TCF4: variants seen among roughly 807,000 people sequenced by gnomAD.
TCF4 encodes transcription factor 4, also known as SL3-3 enhancer factor 2.
TCF4 carries 3 observed loss-of-function variants against 82.1 expected under a neutral mutation model. That is an observed-to-expected ratio of 0.04 (90% CI 0.02 to 0.09). The LOEUF (loss-of-function observed/expected upper bound fraction) is 0.09, where lower values mean the gene tolerates loss of function less well. Among genes scored for constraint, TCF4 ranks in the 10% least tolerant of loss-of-function variants. TCF4 has a pLI of 1.00. For missense variants in TCF4, 518 were observed against 852.7 expected (o/e 0.61, Z 4.89); for synonymous variants, 276 against 309.6 (o/e 0.89, Z 1.14).
intron 15 of TCF4, 36 bp downstream of exon 15, chr18:55,254,461 A>G: frequency 2.5e-6 from 4 of 1,595,172 alleles, no homozygotes; most frequent in Non-Finnish European, 3.4e-6. Flanking sequence ...CTAACTCTAT[A>G]TGATAACTAT....
chr18:55,241,443 C>CT, intron 15 of TCF4, among the ~76,000 whole-genome samples: 1 of 152,292 alleles, frequency 6.6e-6, no homozygotes, highest in African/African-American at 2.4e-5. Context: ...CCTAGTGAAC[C>CT]AAACATATCT....
intron 3 of TCF4, among the ~76,000 whole-genome samples, chr18:55,531,791 A>G (rs2097066286): frequency 6.6e-6 from 1 of 152,236 alleles, no homozygotes; most frequent in African/African-American, 2.4e-5. Context: ...GGAATTCATA[A>G]GCATTTAAGA....
chr18:55,453,395 T>C (rs1022071297), intron 5 of TCF4, among the ~76,000 whole-genome samples: 6 of 152,218 alleles, frequency 3.9e-5, no homozygotes, highest in Non-Finnish European at 5.9e-5. Flanking sequence ...ACATTTTCCA[T>C]TACTTCGAAG....
intron 8 of TCF4, among the ~76,000 whole-genome samples, chr18:55,339,478 G>A (rs920719068): frequency 1.3e-5 from 2 of 152,102 alleles, no homozygotes; most frequent in African/African-American, 4.8e-5. Flanking sequence ...CGGATCTATC[G>A]GCTTTCCAGA....
chr18:55,502,634 TA>T (rs1190990956), intron 3 of TCF4, among the ~76,000 whole-genome samples: 3 of 152,208 alleles, frequency 2.0e-5, no homozygotes, highest in African/African-American at 7.2e-5. Flanking sequence ...TAGGGGCACA[TA>T]AGTGTAAAAC....
chr18:55,448,310 A>C (rs889218264), intron 5 of TCF4, among the ~76,000 whole-genome samples: 1 of 152,202 alleles, frequency 6.6e-6, no homozygotes, highest in African/African-American at 2.4e-5. Context: ...TGCTCTGATA[A>C]AACTTTAACA....
At chr18:55,592,704 C>T (rs572930171), upstream of TCF4, among the ~76,000 whole-genome samples, 7 of 152,114 alleles carry the variant, frequency 4.6e-5, no homozygotes, top group Non-Finnish European at 7.3e-5. Context: ...AGAGATTGAC[C>T]GTAGCCTATG....
At chr18:55,246,141 G>A (rs1040182444) in intron 15 of TCF4, among the ~76,000 whole-genome samples, 3 of 152,052 alleles carry the variant, frequency 2.0e-5, no homozygotes, top group Non-Finnish European at 4.4e-5. Context: ...GCTATTAAAT[G>A]TGTCTGCCTG....
At chr18:55,364,922 A>G (rs1346545281) in intron 6 of TCF4, among the ~76,000 whole-genome samples, 2 of 151,764 alleles carry the variant, frequency 1.3e-5, no homozygotes, top group African/African-American at 4.8e-5. Flanking sequence ...GCACTTTGGG[A>G]ACTGAGGCAG....
In TCF4 at chr18:55,261,229, C is replaced by T. The variant is rs1473485731; in HGVS notation, c.990+237G>A. The T allele has an allele frequency of 5.3e-6, 3 of 567,578 alleles. No individual in the cohort carries two copies. The South Asian group carries it at 6.1e-5, about 12-fold the overall frequency. The allele number at this position is 567,578 out of a possible 1,614,324, so 35.2% of individuals were successfully genotyped here. A position where few individuals can be genotyped will look rare whatever the true frequency, so the allele number is the denominator to read the frequency against. On this transcript the variant is annotated intron_variant, in intron 12 of 19. Transcript: ENST00000354452. ...TAAACCCAAAGACCAGGAGAATATT[C>T]CCACATCCATAATTGAGTGCAGCTT...
intron 8 of TCF4, among the ~76,000 whole-genome samples, chr18:55,313,981 C>T (rs1369396679): frequency 6.6e-6 from 1 of 152,012 alleles, no homozygotes; most frequent in East Asian, 1.9e-4. Flanking sequence ...AAAACGTTGG[C>T]GATATTTGCA....
chr18:55,263,889 C>A (rs2058560595), intron 11 of TCF4, among the ~76,000 whole-genome samples: 1 of 151,692 alleles, frequency 6.6e-6, no homozygotes, highest in Non-Finnish European at 1.5e-5. Context: ...TAACAAAGAA[C>A]CTAAGCCAAA....
chr18:55,504,129 T>C (rs2096728965), intron 3 of TCF4, among the ~76,000 whole-genome samples: 1 of 152,262 alleles, frequency 6.6e-6, no homozygotes, highest in Admixed American at 6.5e-5. Flanking sequence ...GCTGCTCTCA[T>C]ATGTATTCGT....
chr18:55,542,606 T>A (rs1363109299), intron 3 of TCF4, among the ~76,000 whole-genome samples: 2 of 151,974 alleles, frequency 1.3e-5, no homozygotes, highest in Non-Finnish European at 1.5e-5. Flanking sequence ...TCTTCTGATT[T>A]TATTTGCCCA....
At position 55,242,426 on chromosome 18, in the gene TCF4, T is replaced by C. The variant is rs188701931; in HGVS notation, c.1351-7743A>G. Reference sequence around the variant, plus strand: ...TTAGCAAATGATGACACAAATGCTATGGATCTGTGAGACTATGTCTGAAAT... The same window carrying C: ...TTAGCAAATGATGACACAAATGCTACGGATCTGTGAGACTATGTCTGAAAT... On this transcript the variant is annotated intron_variant, in intron 15 of 19. Transcript: ENST00000354452. 5.9e-5 allele frequency among the ~76,000 whole-genome samples: 9 copies of C among 152,308 alleles called. 1 individual carries two copies. The highest frequency in any genetic ancestry group is 9.6e-5 in the African/African-American group (4 of 41,566).
At chr18:55,577,082 T>TTATATATACATTTATATATTTATATATG (rs1555777067) in intron 3 of TCF4, among the ~76,000 whole-genome samples, 12 of 146,190 alleles carry the variant, frequency 8.2e-5, no homozygotes, top group East Asian at 3.9e-4. Flanking sequence ...TATATATATA[T>TTATATATACATTTATATATTTATATATG]TATATATACA....
intron 5 of TCF4, among the ~76,000 whole-genome samples, chr18:55,406,254 A>C (rs1043961926): frequency 6.6e-6 from 1 of 151,790 alleles, no homozygotes; most frequent in African/African-American, 2.4e-5. Flanking sequence ...TGATAGTGTA[A>C]GCTTTTAACT....
chr18:55,311,380 T>C (rs2147213261), intron 8 of TCF4, among the ~76,000 whole-genome samples: 1 of 152,328 alleles, frequency 6.6e-6, no homozygotes, highest in South Asian at 2.1e-4. Flanking sequence ...GTAGCATCCC[T>C]GGCCTCCAGC....
intron 8 of TCF4, among the ~76,000 whole-genome samples, chr18:55,339,256 G>GA (rs1309491578): frequency 1.3e-5 from 2 of 152,086 alleles, no homozygotes; most frequent in Non-Finnish European, 2.9e-5. Context: ...TGTGTTTCCT[G>GA]AAAAAACACT....
Sources: allele counts gnomAD v4.1 joint callset (sites outside exome capture counted in the v4.1 genomes callset), GRCh38; gene constraint gnomAD v4.1.1; transcripts MANE v1.5; gene names NCBI Gene and HGNC (gene_info 2026-07-23, HGNC 2026-07-21).